Variants in POU6F2 observed in about 807,000 individuals in gnomAD.
POU6F2 encodes the protein POU class 6 homeobox 2.
Under a neutral mutation model 71.3 loss-of-function variants are expected in POU6F2, and 31 were observed. That is an observed-to-expected ratio of 0.43 (90% CI 0.33 to 0.59). The LOEUF is 0.59. POU6F2 is among the 20% of genes least tolerant of loss of function. POU6F2 has a pLI of 0.04. For synonymous variants in POU6F2, 347 were observed against 355.7 expected, an observed-to-expected ratio of 0.98 and a Z score of 0.27; for missense variants, 783 against 856.8, an observed-to-expected ratio of 0.91 and a Z score of 1.07.
At chr7:39,252,338 T>C (rs955715342) in intron 4 of POU6F2, among the ~76,000 whole-genome samples, 4 of 151,412 alleles carry the variant, frequency 2.6e-5, no homozygotes, top group Non-Finnish European at 5.9e-5. Flanking sequence ...TTTAGATTCA[T>C]AAGTTTTGCA....
At chr7:39,397,814 G>GTATATATATATAGATATATATA (rs1787207261) in intron 5 of POU6F2, among the ~76,000 whole-genome samples, 1 of 128,448 alleles carries the variant, frequency 7.8e-6, no homozygotes, top group African/African-American at 3.3e-5. Context: ...TATATTTTGT[G>GTATATATATATAGATATATATA]TATATATATA....
intron 2 of POU6F2, among the ~76,000 whole-genome samples, chr7:39,096,343 A>T (rs1295688560): frequency 6.6e-6 from 1 of 152,190 alleles, no homozygotes; most frequent in Non-Finnish European, 1.5e-5. Context: ...GCAAAGATGC[A>T]CGAGGGTTTT....
intron 2 of POU6F2, among the ~76,000 whole-genome samples, chr7:39,165,304 T>C (rs1042072460): frequency 4.6e-5 from 7 of 152,304 alleles, no homozygotes; most frequent in African/African-American, 1.2e-4. Context: ...TTGTCCTCAG[T>C]CTCAACTGAA....
At chr7:39,084,822 T>C (rs1232048391) in intron 1 of POU6F2, among the ~76,000 whole-genome samples, 1 of 152,126 alleles carries the variant, frequency 6.6e-6, no homozygotes, top group Admixed American at 6.5e-5. Flanking sequence ...TCAGGAACCA[T>C]TTAGGCATGA....
chr7:39,464,784 A>T lies in POU6F2; in HGVS notation c.*98A>T. On this transcript the variant is annotated 3_prime_UTR_variant, in exon 10 of 10. Transcript: ENST00000518318. The surrounding 1 kb of genome is among the most constrained non-coding windows in gnomAD (Gnocchi z 4.1). Reference sequence around the variant, plus strand: ...ACAACAACAAAATTTAATTTAATTTAAAAATAGCCCCAGTCGTCATCACCC... The same window carrying T: ...ACAACAACAAAATTTAATTTAATTTTAAAATAGCCCCAGTCGTCATCACCC... 2 of 1,354,062 alleles carry T rather than the reference A, an allele frequency of 1.5e-6. No individual in the cohort carries two copies. Among genetic ancestry groups the T allele is most frequent in the Non-Finnish European group, 2.0e-6 (2 of 1,020,618 alleles). 83.9% of individuals were successfully genotyped at this position (1,354,062 alleles called of 1,614,324 possible). A position where few individuals can be genotyped will look rare whatever the true frequency, so the allele number is the denominator to read the frequency against.
intron 5 of POU6F2, among the ~76,000 whole-genome samples, chr7:39,391,271 G>A (rs2115834437): frequency 6.6e-6 from 1 of 151,164 alleles, no homozygotes; most frequent in Non-Finnish European, 1.5e-5. Flanking sequence ...TATATGTTGT[G>A]GTTTTTACTT....
At chr7:39,401,060 C>G (rs369281729) in intron 5 of POU6F2, among the ~76,000 whole-genome samples, 1 of 152,218 alleles carries the variant, frequency 6.6e-6, no homozygotes, top group Non-Finnish European at 1.5e-5. Context: ...CCAGGCTCCT[C>G]CCTGCTGCAA....
intron 1 of POU6F2, among the ~76,000 whole-genome samples, chr7:39,080,231 T>A (rs1462228873): frequency 6.6e-6 from 1 of 152,218 alleles, no homozygotes; most frequent in Non-Finnish European, 1.5e-5. Flanking sequence ...TTAAATATCA[T>A]ATCAAGAGCT....
intron 1 of POU6F2, among the ~76,000 whole-genome samples, chr7:39,050,206 T>C (rs2128713731): frequency 6.6e-6 from 1 of 152,064 alleles, no homozygotes; most frequent in Admixed American, 6.6e-5. Context: ...GCCACAACCT[T>C]GTTCATATTT....
intron 7 of POU6F2, among the ~76,000 whole-genome samples, chr7:39,443,251 A>T (rs2237380): frequency 6.6e-6 from 1 of 152,022 alleles, no homozygotes; most frequent in Non-Finnish European, 1.5e-5. Context: ...GTACCTTGCA[A>T]ATCCAACAAA....
rs544332465 is a variant in POU6F2 at position 39,178,343 on chromosome 7, G to A, written c.278-25892G>A. On this transcript the variant is annotated intron_variant, in intron 2 of 9. Coordinates refer to ENST00000518318, the MANE Select transcript of POU6F2 (RefSeq NM_001370959.1). Reference sequence around the variant, plus strand: ...TCAATCTTCCCTGAATATCCCACAAGAGTTTCTCTTCTATATGCCCCTATT... The same window carrying A: ...TCAATCTTCCCTGAATATCCCACAAAAGTTTCTCTTCTATATGCCCCTATT... Among the ~76,000 whole-genome samples the A allele has an allele frequency of 3.3e-5, 5 of 152,186 alleles. No individual in the cohort carries two copies. The South Asian group carries it at 1.0e-3, about 32-fold the overall frequency.
At chr7:39,148,836 G>A (rs1792677819) in intron 2 of POU6F2, among the ~76,000 whole-genome samples, 1 of 152,206 alleles carries the variant, frequency 6.6e-6, no homozygotes. Context: ...ATGGTTGTGG[G>A]AAACATTGAG....
chr7:39,084,425 A>C (rs895260984), intron 1 of POU6F2, among the ~76,000 whole-genome samples: 1 of 152,198 alleles, frequency 6.6e-6, no homozygotes, highest in African/African-American at 2.4e-5. Context: ...CTATCAAGGT[A>C]TTCAAAAGGG....
chr7:39,259,844 G>A (rs935349037), intron 4 of POU6F2, among the ~76,000 whole-genome samples: 2 of 152,010 alleles, frequency 1.3e-5, no homozygotes, highest in Admixed American at 6.5e-5. Flanking sequence ...TAGGCACCAT[G>A]CAGACAGAGC....
At chr7:39,041,111 T>C (rs1790185775) in intron 1 of POU6F2, among the ~76,000 whole-genome samples, 1 of 151,932 alleles carries the variant, frequency 6.6e-6, no homozygotes, top group South Asian at 2.1e-4. Context: ...GTGTGTACTG[T>C]ATGTTTTATT....
rs146636219 is a variant in POU6F2, at chr7:39,426,181, G to A, written c.1114-6896G>A. Among the ~76,000 whole-genome samples the A allele has an allele frequency of 2.0e-5, 3 of 152,306 alleles. No individual in the cohort carries two copies. The East Asian group carries it at 5.8e-4, about 29-fold the overall frequency. On this transcript the variant is annotated intron_variant, in intron 6 of 9. Coordinates refer to ENST00000518318, the MANE Select transcript of POU6F2 (RefSeq NM_001370959.1). ...CTCTCGACCAGTCAGGTTGAGGTGA[G>A]GAAAGGAGAGACCAGCGGATAAGAA... is the stretch of plus-strand genomic sequence containing the variant.
intron 4 of POU6F2, among the ~76,000 whole-genome samples, chr7:39,289,015 C>T (rs1285693031): frequency 6.6e-6 from 1 of 152,240 alleles, no homozygotes; most frequent in Non-Finnish European, 1.5e-5. Context: ...TGCTTCTGAT[C>T]TTCCCCTAAA....
chr7:39,124,391 A>G (rs17171541), intron 2 of POU6F2, among the ~76,000 whole-genome samples: 2,623 of 152,284 alleles, frequency 0.017, 67 homozygotes, highest in African/African-American at 0.06. Context: ...AAATTGTCCT[A>G]TGAAAAGTTG....
At chr7:39,375,524 C>G (rs911312294) in intron 5 of POU6F2, among the ~76,000 whole-genome samples, 2 of 152,122 alleles carry the variant, frequency 1.3e-5, no homozygotes, top group Non-Finnish European at 2.9e-5. Context: ...CCATGCAGTC[C>G]TCTTTTGCGG....
Sources: gnomAD v4.1 joint callset for allele counts (sites outside exome capture counted in the v4.1 genomes callset) on GRCh38, gnomAD v4.1.1 for gene constraint, Gnocchi (gnomAD v3.1) non-coding constraint, MANE v1.5 for transcripts, NCBI Gene and HGNC (gene_info 2026-07-23, HGNC 2026-07-21) for gene names.